Variants in ARFGAP3 observed in about 807,000 individuals in gnomAD.
The protein encoded by ARFGAP3 is ADP-ribosylation factor GTPase-activating protein 3.
A neutral mutation model predicts 75.0 loss-of-function variants in ARFGAP3; 72 were observed. The ratio of observed to expected loss-of-function variants is 0.96; its 90% CI spans 0.79 to 1.17. The LOEUF is 1.17. Among genes scored for constraint, ARFGAP3 ranks in the 50% most tolerant of loss-of-function variants. ARFGAP3 has a pLI of 0.00. For missense variants in ARFGAP3, 620 were observed against 626.6 expected (o/e 0.99, Z 0.11); for synonymous variants, 221 against 217.9 (o/e 1.01, Z -0.13).
chr22:42,810,301 T>C (rs1170428448), intron 12 of ARFGAP3, among the ~76,000 whole-genome samples: 1 of 151,696 alleles, frequency 6.6e-6, no homozygotes, highest in Non-Finnish European at 1.5e-5. Context: ...CCGTCTCTAC[T>C]AAAAGTACAA....
At position 42,817,834 on chromosome 22, in the gene ARFGAP3, T is replaced by G; in HGVS notation, c.836A>C (p.Tyr279Ser). The stretch of plus-strand genomic sequence containing the variant: ...CTTCATTTGAATTTCAAGATCCTTA[T>G]AGGCTAATCGTAATGATGAAACACT... ...ESIVSSLRLAYKDLEIQMKKD... is the reference protein window; with the variant it reads ...ESIVSSLRLASKDLEIQMKKD... Residue 279 changes from tyrosine to serine, a missense_variant, in exon 10 of 16, where the codon TAT becomes TCT. Tyr to Ser is a moderately radical substitution (Grantham distance 144, BLOSUM62 -2). Coordinates refer to ENST00000263245, the MANE Select transcript of ARFGAP3 (RefSeq NM_014570.5). The G allele has an allele frequency of 6.2e-7, 1 of 1,611,094 alleles. No homozygotes were observed.
chr22:42,840,365 C>T (rs1471653654), intron 3 of ARFGAP3, among the ~76,000 whole-genome samples: 1 of 151,912 alleles, frequency 6.6e-6, no homozygotes, highest in East Asian at 1.9e-4. Context: ...ATCAGGCTCT[C>T]TGCTTCTTCT....
chr22:42,846,512 G>A (rs1260046189), intron 2 of ARFGAP3, among the ~76,000 whole-genome samples: 1 of 152,222 alleles, frequency 6.6e-6, no homozygotes, highest in East Asian at 1.9e-4. Flanking sequence ...TATTGCCATA[G>A]AGTATCAGAA....
intron 9 of ARFGAP3, 51 bp from the exon 10 acceptor site, chr22:42,817,908 A>C: frequency 7.1e-7 from 1 of 1,408,178 alleles, no homozygotes; most frequent in Non-Finnish European, 9.4e-7. Flanking sequence ...CTTTGTTCTT[A>C]TATTAAAATA....
chr22:42,805,753 G>A (rs953280731), intron 14 of ARFGAP3, among the ~76,000 whole-genome samples: 5 of 152,194 alleles, frequency 3.3e-5, no homozygotes, highest in Admixed American at 6.5e-5. Context: ...CCCTGGCTGC[G>A]CACCCCCAGG....
chr22:42,834,376 G>A (rs1190205832), intron 4 of ARFGAP3, 51 bp from the exon 5 acceptor site: 1 of 1,589,822 alleles, frequency 6.3e-7, no homozygotes, highest in South Asian at 1.2e-5. Context: ...GCCTGTAAAG[G>A]ATTTTATTTG....
rs767983813 is a variant in ARFGAP3 at position 42,831,563 on chromosome 22, A to G, written c.551T>C (p.Leu184Ser). 3 of 1,613,704 alleles carry G rather than the reference A, an allele frequency of 1.9e-6. No individual in the cohort carries two copies. Among genetic ancestry groups the G allele is most frequent in the East Asian group, 2.2e-5 (1 of 44,850 alleles). ...AAGGACTCCACCTTCATTATTTTCC[A>G]AAGTGGTTTCCACAGGCCTTGATGT... ...SLTSRPVETTLENNEGGQEQG... is the reference protein window; with the variant it reads ...SLTSRPVETTSENNEGGQEQG... Residue 184 changes from leucine (L) to serine (S), a missense_variant, in exon 6 of 16, where the codon TTG becomes TCG. Coordinates refer to ENST00000263245, the MANE Select transcript of ARFGAP3 (RefSeq NM_014570.5).
intron 11 of ARFGAP3, 117 bp from the exon 12 acceptor site, chr22:42,811,061 C>G: frequency 6.8e-7 from 1 of 1,466,148 alleles, no homozygotes; most frequent in South Asian, 1.4e-5. Context: ...AGTCACATAA[C>G]TAGGTCTAGC....
rs75834192 is a variant in ARFGAP3, at chr22:42,804,380, T to A, written c.1411+2693A>T. 4.3e-4 allele frequency among the ~76,000 whole-genome samples: 58 copies of A among 136,390 alleles called. No homozygotes were observed. The East Asian group carries it at 0.01, about 25-fold the overall frequency. 89.5% of individuals were successfully genotyped at this position (136,390 alleles called of 152,430 possible). ...GCCCACCACCACACCCAGCTAATTT[T>A]TTTTTTTTTTTTTTTTTTTTGAGAT... On this transcript the variant is annotated intron_variant, in intron 14 of 15. Coordinates refer to ENST00000263245, the MANE Select transcript of ARFGAP3 (RefSeq NM_014570.5).
chr22:42,813,455 T>G (rs139557596), intron 11 of ARFGAP3, among the ~76,000 whole-genome samples: 2 of 152,158 alleles, frequency 1.3e-5, no homozygotes, highest in African/African-American at 4.8e-5. Flanking sequence ...ATACTAAATT[T>G]TGTAGATTTA....
At chr22:42,846,309 A>C (rs1927018144) in intron 2 of ARFGAP3, among the ~76,000 whole-genome samples, 1 of 152,240 alleles carries the variant, frequency 6.6e-6, no homozygotes, top group Non-Finnish European at 1.5e-5. Flanking sequence ...TGTCCTGGCA[A>C]GGGCCTGTGG....
chr22:42,819,104 C>T (rs564131411), intron 9 of ARFGAP3, among the ~76,000 whole-genome samples: 23 of 152,244 alleles, frequency 1.5e-4, no homozygotes, highest in African/African-American at 4.3e-4. Context: ...TGAGCCACCG[C>T]GCCCGGTGCA....
At chr22:42,817,407 T>C (rs1602102700) in intron 10 of ARFGAP3, 143 bp from the exon 11 acceptor site, 1 of 1,182,010 alleles carries the variant, frequency 8.5e-7, no homozygotes, top group Non-Finnish European at 1.1e-6. Context: ...AATTTTTTTT[T>C]CTGGTGCAAG....
Position 42,850,689 on chromosome 22 carries a change from C to T in ARFGAP3, c.70-3057G>A, listed in dbSNP as rs185199508. Among the ~76,000 whole-genome samples, 903 of 149,298 alleles carry T rather than the reference C, an allele frequency of 6.0e-3. 6 individuals carry two copies. Among genetic ancestry groups the T allele is most frequent in the Admixed American group, 0.011 (162 of 14,972 alleles). ...GGCTTCTGGTCTTTTCAGGGCAATACAAGGGCAATACAAGAGAGGAAACAC... is the reference window on the plus strand; with the variant it reads ...GGCTTCTGGTCTTTTCAGGGCAATATAAGGGCAATACAAGAGAGGAAACAC... On this transcript the variant is annotated intron_variant, in intron 1 of 15. Coordinates refer to ENST00000263245, the MANE Select transcript of ARFGAP3 (RefSeq NM_014570.5).
intron 13 of ARFGAP3, chr22:42,807,416 G>A (rs897732239): frequency 1.5e-4 from 35 of 229,208 alleles, no homozygotes; most frequent in Non-Finnish European, 2.3e-4. Context: ...GGAGGCCGTC[G>A]GAGTGAGGGA....
At chr22:42,847,957 C>T (rs1418923845) in intron 1 of ARFGAP3, among the ~76,000 whole-genome samples, 3 of 151,180 alleles carry the variant, frequency 2.0e-5, no homozygotes, top group Non-Finnish European at 4.4e-5. Flanking sequence ...CTCTGCTTTC[C>T]AGGTTCCATT....
intron 3 of ARFGAP3, among the ~76,000 whole-genome samples, chr22:42,837,764 C>T (rs1926594026): frequency 7.4e-6 from 1 of 135,388 alleles, no homozygotes; most frequent in African/African-American, 2.8e-5. Context: ...CACTGTAGCG[C>T]CAACCCCCTG....
intron 6 of ARFGAP3, chr22:42,827,206 G>C: frequency 2.2e-6 from 1 of 460,964 alleles, no homozygotes; most frequent in Non-Finnish European, 2.8e-6. Flanking sequence ...TAATCCAATG[G>C]CTTTATCAAA....
chr22:42,799,332 G>C, intron 14 of ARFGAP3, 172 bp from the exon 15 acceptor site: 1 of 750,374 alleles, frequency 1.3e-6, no homozygotes, highest in Non-Finnish European at 1.6e-6. Flanking sequence ...GCCCTGCCAT[G>C]ATCCACATGA....
Sources: gnomAD v4.1 joint callset for allele counts (sites outside exome capture counted in the v4.1 genomes callset) on GRCh38, gnomAD v4.1.1 for gene constraint, MANE v1.5 for transcripts, NCBI Gene and HGNC (gene_info 2026-07-23, HGNC 2026-07-21) for gene names.